The following NRG3 variants were observed in gnomAD, a reference collection of about 807,000 sequenced individuals.
NRG3 encodes pro-neuregulin-3, membrane-bound isoform.
NRG3 carries 31 observed loss-of-function variants against 66.9 expected under a neutral mutation model. That is an observed-to-expected ratio of 0.46 (90% CI 0.35 to 0.63). The LOEUF (loss-of-function observed/expected upper bound fraction) is 0.63. NRG3 is among the 20% of genes least tolerant of loss of function. NRG3 has a pLI of 0.00. For synonymous variants in NRG3, 393 were observed against 359.4 expected, an observed-to-expected ratio of 1.09 and a Z score of -1.06; for missense variants, 910 against 878.9, an observed-to-expected ratio of 1.04 and a Z score of -0.45.
At chr10:82,757,655 G>A (rs2059132464) in intron 3 of NRG3, among the ~76,000 whole-genome samples, 1 of 151,970 alleles carries the variant, frequency 6.6e-6, no homozygotes, top group Non-Finnish European at 1.5e-5. Context: ...TCCTAATGAC[G>A]ACCCCTTTGA....
chr10:82,282,146 C>G (rs527618328), intron 1 of NRG3, among the ~76,000 whole-genome samples: 145 of 152,260 alleles, frequency 9.5e-4, no homozygotes, highest in African/African-American at 3.2e-3. Context: ...TCTAATGAAA[C>G]TGATCTAGAG....
intron 2 of NRG3, among the ~76,000 whole-genome samples, chr10:82,431,412 G>A (rs140357103): frequency 3.9e-4 from 60 of 152,262 alleles, no homozygotes; most frequent in Non-Finnish European, 6.2e-4. Context: ...AATGCAGTTA[G>A]TGAAAATGCC....
intron 3 of NRG3, among the ~76,000 whole-genome samples, chr10:82,802,666 T>G (rs1182186007): frequency 6.6e-6 from 1 of 152,040 alleles, no homozygotes; most frequent in Admixed American, 6.6e-5. Flanking sequence ...TTTTTTAAAT[T>G]TTTTGAGACA....
intron 3 of NRG3, among the ~76,000 whole-genome samples, chr10:82,791,074 A>G (rs943220674): frequency 4.0e-5 from 6 of 151,668 alleles, no homozygotes; most frequent in Non-Finnish European, 8.8e-5. Flanking sequence ...GTTTTTTTTT[A>G]TTAACATCAA....
At chr10:82,550,244 A>T (rs528199877) in intron 2 of NRG3, among the ~76,000 whole-genome samples, 3 of 152,232 alleles carry the variant, frequency 2.0e-5, no homozygotes, top group South Asian at 2.1e-4. Flanking sequence ...CATTTAAAAA[A>T]TTTTTCCTTT....
At chr10:82,402,960 A>G (rs1386930116) in intron 2 of NRG3, among the ~76,000 whole-genome samples, 4 of 152,180 alleles carry the variant, frequency 2.6e-5, no homozygotes. Flanking sequence ...TTAAAAAGAT[A>G]GCTTACTCAA....
intron 6 of NRG3, among the ~76,000 whole-genome samples, chr10:82,968,513 A>C (rs1042966414): frequency 2.0e-5 from 3 of 152,248 alleles, no homozygotes; most frequent in Non-Finnish European, 4.4e-5. Context: ...AATAAACAGA[A>C]CAGGTTAAGA....
intron 2 of NRG3, among the ~76,000 whole-genome samples, chr10:82,392,892 A>G (rs1168034390): frequency 8.2e-6 from 1 of 122,138 alleles, no homozygotes; most frequent in East Asian, 3.3e-4. Flanking sequence ...ATATATATAT[A>G]TATATATTTT....
intron 3 of NRG3, among the ~76,000 whole-genome samples, chr10:82,804,556 A>T (rs755370786): frequency 2.6e-5 from 4 of 152,188 alleles, no homozygotes; most frequent in Admixed American, 6.5e-5. Flanking sequence ...CCACAAAATC[A>T]TTATCATTCT....
chr10:82,931,360 A>G (rs910704325), intron 4 of NRG3, among the ~76,000 whole-genome samples: 4 of 152,210 alleles, frequency 2.6e-5, no homozygotes, highest in African/African-American at 9.6e-5. Context: ...GAAGCAAGAC[A>G]TGCTTGAACT....
chr10:82,707,018 AATAT>A (rs10682579), intron 2 of NRG3, among the ~76,000 whole-genome samples: 2,104 of 141,270 alleles, frequency 0.015, 35 homozygotes, highest in East Asian at 0.046. Flanking sequence ...AAATAAAATA[AATAT>A]ATATATATAT....
intron 1 of NRG3, among the ~76,000 whole-genome samples, chr10:82,179,757 T>C (rs2073287403): frequency 6.6e-6 from 1 of 151,934 alleles, no homozygotes; most frequent in African/African-American, 2.4e-5. Context: ...AATCTTTTCT[T>C]TTATTTCTGT....
intron 2 of NRG3, among the ~76,000 whole-genome samples, chr10:82,720,054 A>T (rs142432970): frequency 3.3e-5 from 5 of 152,130 alleles, no homozygotes; most frequent in African/African-American, 1.2e-4. Flanking sequence ...TTTAACCTTT[A>T]TCTGTACAAT....
chr10:82,367,854 G>A (rs1009552580), intron 2 of NRG3, among the ~76,000 whole-genome samples: 5 of 152,196 alleles, frequency 3.3e-5, no homozygotes, highest in East Asian at 3.9e-4. Context: ...TATTAGCCAG[G>A]TGTGGTGATG....
intron 3 of NRG3, among the ~76,000 whole-genome samples, chr10:82,805,045 G>A (rs184868313): frequency 9.9e-5 from 15 of 152,238 alleles, no homozygotes; most frequent in Admixed American, 6.5e-4. Flanking sequence ...CTCATTTTTA[G>A]TCAGTGCTAT....
intron 3 of NRG3, among the ~76,000 whole-genome samples, chr10:82,785,138 G>T (rs901563898): frequency 1.3e-5 from 2 of 150,480 alleles, no homozygotes; most frequent in Non-Finnish European, 2.9e-5. Flanking sequence ...CTCACTCATA[G>T]ATGGGAATTG....
chr10:82,678,961 A>G (rs910956999), intron 2 of NRG3, among the ~76,000 whole-genome samples: 3 of 152,214 alleles, frequency 2.0e-5, no homozygotes, highest in Non-Finnish European at 4.4e-5. Context: ...TCAATATTTG[A>G]GGTGGACAAT....
chr10:82,712,549 A>T (rs116396175), intron 2 of NRG3, among the ~76,000 whole-genome samples: 1,644 of 152,322 alleles, frequency 0.011, 30 homozygotes, highest in African/African-American at 0.038. Context: ...GATAATTTGT[A>T]TTCCATAACA....
At chr10:81,967,934 C>T (rs1261309154) in intron 1 of NRG3, among the ~76,000 whole-genome samples, 1 of 152,182 alleles carries the variant, frequency 6.6e-6, no homozygotes, top group Non-Finnish European at 1.5e-5. Context: ...TGGACTTGCT[C>T]TTGGCAGCAC....
Sources: allele counts gnomAD v4.1 joint callset (sites outside exome capture counted in the v4.1 genomes callset), GRCh38; gene constraint gnomAD v4.1.1; transcripts MANE v1.5; gene names NCBI Gene and HGNC (gene_info 2026-07-23, HGNC 2026-07-21).